The following USP2 variants were observed in gnomAD, a reference collection of about 807,000 sequenced individuals.
USP2 encodes the protein ubiquitin specific peptidase 2.
In USP2, 33 loss-of-function variants were observed where a neutral mutation model predicts 72.0. The observed-to-expected ratio is 0.46, with a 90% CI of 0.35 to 0.61. USP2 has a LOEUF of 0.61. Ranked by LOEUF, USP2 falls within the 20% of genes least tolerant of loss-of-function variation. The pLI is 0.01. For synonymous variants in USP2, 296 were observed against 312.5 expected (o/e 0.95, Z 0.56); for missense variants, 691 against 797.8 (o/e 0.87, Z 1.61).
chr11:119,357,737 C>T lies in USP2; in HGVS notation c.1501+20G>A, dbSNP rs1010409303. 3.7e-6 allele frequency: 6 copies of T among 1,613,554 alleles called. No individual in the cohort carries two copies. In the South Asian group the frequency reaches 4.4e-5, roughly 12 times the overall value. On this transcript the variant is annotated intron_variant, in intron 10 of 12. Coordinates refer to ENST00000260187, the MANE Select transcript of USP2 (RefSeq NM_004205.5). ...CACCCTTGAAAGTCATGTCCCAGCC[C>T]TGATGGATCTTAAGGATACGGAGCA...
chr11:119,362,868 C>T (rs1481764657), intron 2 of USP2, among the ~76,000 whole-genome samples: 1 of 152,252 alleles, frequency 6.6e-6, no homozygotes, highest in Non-Finnish European at 1.5e-5. Context: ...CTAGTTTTGA[C>T]TCAGTATCAA....
chr11:119,360,072 T>C (rs1950738691), intron 3 of USP2, 112 bp downstream of exon 3: 2 of 1,352,484 alleles, frequency 1.5e-6, no homozygotes, highest in African/African-American at 1.5e-5. Context: ...AAGTGCCAAC[T>C]GGCTGAACGG....
intron 1 of USP2, among the ~76,000 whole-genome samples, chr11:119,380,369 C>G (rs1951046211): frequency 6.6e-6 from 1 of 152,000 alleles, no homozygotes; most frequent in Non-Finnish European, 1.5e-5. Context: ...CTCCTTCCCC[C>G]TTTGCCTAGA....
intron 3 of USP2, among the ~76,000 whole-genome samples, 172 bp downstream of exon 3, chr11:119,360,012 G>T (rs1207966012): frequency 2.6e-5 from 4 of 152,220 alleles, no homozygotes; most frequent in Admixed American, 6.5e-5. Context: ...CCTGCTGGGG[G>T]TGGGTAAAGC....
intron 7 of USP2, 152 bp downstream of exon 7, chr11:119,358,621 A>G: frequency 1.0e-6 from 1 of 970,410 alleles, no homozygotes; most frequent in Non-Finnish European, 1.6e-6. Flanking sequence ...CGGCCTGCAC[A>G]GCATCTTCTT....
At chr11:119,372,625 T>G (rs2135406418) in intron 2 of USP2, 82 bp downstream of exon 2, 1 of 1,355,204 alleles carries the variant, frequency 7.4e-7, no homozygotes, top group South Asian at 1.5e-5. Flanking sequence ...TCAGTCAGGT[T>G]GGGAGTCGAG....
chr11:119,372,005 C>A (rs679556), intron 2 of USP2, among the ~76,000 whole-genome samples: 1 of 152,208 alleles, frequency 6.6e-6, no homozygotes, highest in East Asian at 1.9e-4. Context: ...CGTGTGCGGG[C>A]ATTAGTTGGC....
intron 1 of USP2, among the ~76,000 whole-genome samples, chr11:119,381,138 G>A (rs1439569828): frequency 3.9e-5 from 6 of 152,166 alleles, no homozygotes; most frequent in Admixed American, 6.5e-5. Context: ...CAGCGAGTGA[G>A]CTGCACGCAC....
chr11:119,357,774 G>A lies in USP2; in HGVS notation c.1484C>T (p.Pro495Leu). ...AAGGATACGGAGCACCAAGATCTTT[G>A]GGAACCTCTGGATGGAGAACTTCTT... ...CIKKFSIQRFPKILVLHLKRF... is the reference protein window; with the variant it reads ...CIKKFSIQRFLKILVLHLKRF... Residue 495 changes from proline (P) to leucine (L), a missense_variant, in exon 10 of 13, where the codon CCA (proline) becomes CTA (leucine). Physicochemically the swap from Pro to Leu is moderately conservative, Grantham distance 98. Transcript: ENST00000260187. The A allele has an allele frequency of 6.2e-7, 1 of 1,613,904 alleles. No homozygotes were observed. Among genetic ancestry groups the A allele is most frequent in the Non-Finnish European group, 8.5e-7 (1 of 1,180,040 alleles).
chr11:119,366,678 T>A (rs973494957), intron 2 of USP2, among the ~76,000 whole-genome samples: 1 of 152,154 alleles, frequency 6.6e-6, no homozygotes, highest in African/African-American at 2.4e-5. Flanking sequence ...CTGCTAGGAA[T>A]CCTGGGAGTC....
chr11:119,356,769 G>T lies in USP2; in HGVS notation c.*66C>A. 1 of 1,424,334 alleles carries T rather than the reference G, an allele frequency of 7.0e-7. No individual in the cohort carries two copies. The highest frequency in any genetic ancestry group is 2.5e-5 in the Admixed American group (1 of 39,606). 88.2% of individuals were successfully genotyped at this position (1,424,334 alleles called of 1,614,324 possible). A position where few individuals can be genotyped will look rare whatever the true frequency, so the allele number is the denominator to read the frequency against. ...GTGTTGTTGTTGTTGTTTTGTTTTT[G>T]TCTTTTTAAAAAATTTAGGGAGCGG... On this transcript the variant is annotated 3_prime_UTR_variant, in exon 13 of 13. Coordinates refer to ENST00000260187, the MANE Select transcript of USP2 (RefSeq NM_004205.5).
rs574689775 is a variant in USP2, at chr11:119,372,918, G to C, written c.563C>G (p.Thr188Arg). ...GACCAGGTATTCAGGGCAGCTGGCT[G>C]TCTGGTAGAGCCCCTGCAGGGTGCA... is the stretch of plus-strand genomic sequence containing the variant. ...ELCTLQGLYQTASCPEYLVDY... is the reference protein window; with the variant it reads ...ELCTLQGLYQRASCPEYLVDY... Residue 188 changes from threonine to arginine, a missense_variant, in exon 2 of 13, where the codon ACA (threonine) becomes AGA (arginine). Physicochemically the swap from Thr to Arg is moderately conservative, Grantham distance 71. Coordinates refer to ENST00000260187, the MANE Select transcript of USP2 (RefSeq NM_004205.5). 6.2e-7 allele frequency: 1 copy of C among 1,612,594 alleles called. No homozygotes were observed. Among genetic ancestry groups the C allele is most frequent in the Non-Finnish European group, 8.5e-7 (1 of 1,179,618 alleles).
intron 2 of USP2, among the ~76,000 whole-genome samples, chr11:119,371,711 A>C (rs1464711301): frequency 1.3e-5 from 2 of 152,150 alleles, no homozygotes; most frequent in Non-Finnish European, 2.9e-5. Flanking sequence ...AGGAGTAGGG[A>C]GGGGTACATA....
At chr11:119,380,325 T>TCCA (rs1951045828) in intron 1 of USP2, among the ~76,000 whole-genome samples, 2 of 151,700 alleles carry the variant, frequency 1.3e-5, no homozygotes, top group Non-Finnish European at 2.9e-5. Context: ...AGACGTCCAG[T>TCCA]CCACCAAGCA....
At chr11:119,370,080 C>T (rs985237695) in intron 2 of USP2, among the ~76,000 whole-genome samples, 1 of 152,138 alleles carries the variant, frequency 6.6e-6, no homozygotes, top group Non-Finnish European at 1.5e-5. Context: ...GAGGCTGACA[C>T]AGGAGAATCA....
At chr11:119,375,809 C>G (rs1048358694) in intron 1 of USP2, among the ~76,000 whole-genome samples, 2 of 152,158 alleles carry the variant, frequency 1.3e-5, no homozygotes, top group Admixed American at 6.5e-5. Flanking sequence ...GCCCCAAGCC[C>G]GTGACATCCC....
Position 119,372,956 on chromosome 11 carries a change from C to A in USP2, c.525G>T (p.Thr175=), listed in dbSNP as rs139055772. The change falls in exon 2 of 13, where the codon ACG becomes ACT. Residue 175 remains threonine (T), a synonymous_variant. Transcript: ENST00000260187. Reference sequence around the variant, plus strand: ...CCTGCAGGGTGCAGAGCTCCTTGCGCGTCCGGGCCAGCATGGGGCTGCGGC... The same window carrying A: ...CCTGCAGGGTGCAGAGCTCCTTGCGAGTCCGGGCCAGCATGGGGCTGCGGC... ...NLGRSPMLAR[T]RKELCTLQGL... is the part of the protein sequence containing the mutation. 6.2e-7 allele frequency: 1 copy of A among 1,613,814 alleles called. No homozygotes were observed. Among genetic ancestry groups the A allele is most frequent in the Non-Finnish European group, 8.5e-7 (1 of 1,180,002 alleles).
intron 2 of USP2, among the ~76,000 whole-genome samples, chr11:119,370,154 G>A (rs1950908067): frequency 6.6e-6 from 1 of 152,152 alleles, no homozygotes. Flanking sequence ...CAACCTGAGT[G>A]AGACAGAGCG....
intron 2 of USP2, among the ~76,000 whole-genome samples, chr11:119,370,747 A>T (rs1950915262): frequency 6.6e-6 from 1 of 152,220 alleles, no homozygotes; most frequent in African/African-American, 2.4e-5. Context: ...TTCCCGGCTA[A>T]AGTGCCTTAT....
Sources: allele counts gnomAD v4.1 joint callset (sites outside exome capture counted in the v4.1 genomes callset), GRCh38; gene constraint gnomAD v4.1.1; transcripts MANE v1.5; gene names NCBI Gene and HGNC (gene_info 2026-07-23, HGNC 2026-07-21).